Variants in PROK2 observed in about 807,000 individuals in gnomAD.
The protein encoded by PROK2 is prokineticin 2.
In PROK2, 8 loss-of-function variants were observed where a neutral mutation model predicts 14.2. The observed-to-expected ratio is 0.56, with a 90% CI of 0.33 to 1.02. PROK2 has a LOEUF of 1.02. PROK2 is among the 50% of genes least tolerant of loss of function. PROK2 has a pLI of 0.03. For missense variants in PROK2, 154 were observed against 160.4 expected, an observed-to-expected ratio of 0.96 and a Z score of 0.22; for synonymous variants, 59 against 60.7, an observed-to-expected ratio of 0.97 and a Z score of 0.13.
intron 3 of PROK2, among the ~76,000 whole-genome samples, chr3:71,773,447 T>C (rs2050095580): frequency 6.6e-6 from 1 of 152,174 alleles, no homozygotes; most frequent in Non-Finnish European, 1.5e-5. Context: ...TAGCAGTGAG[T>C]GGGCCCGAGA....
At chr3:71,774,833 T>A (rs114304210) in intron 2 of PROK2, among the ~76,000 whole-genome samples, 1 of 151,880 alleles carries the variant, frequency 6.6e-6, no homozygotes, top group African/African-American at 2.4e-5. Flanking sequence ...CTTAGACAGT[T>A]ATAAGTGGAT....
At chr3:71,782,941 C>A (rs1038858662) in intron 1 of PROK2, among the ~76,000 whole-genome samples, 1 of 152,120 alleles carries the variant, frequency 6.6e-6, no homozygotes, top group African/African-American at 2.4e-5. Flanking sequence ...TTTCAATTTT[C>A]CAATTTTTAT....
In PROK2 at chr3:71,778,121, C is replaced by T. The variant is rs567088449; in HGVS notation, c.222+3346G>A. On this transcript the variant is annotated intron_variant, in intron 2 of 3. Coordinates refer to ENST00000295619, the MANE Select transcript of PROK2 (RefSeq NM_001126128.2). Reference sequence around the variant, plus strand: ...CTGAGGCAGGAGAATGGCGTGAACCCGGGAGGCGGAGCTTGCAGTGAGCCG... The same window carrying T: ...CTGAGGCAGGAGAATGGCGTGAACCTGGGAGGCGGAGCTTGCAGTGAGCCG... 9.6e-4 allele frequency among the ~76,000 whole-genome samples: 145 copies of T among 151,134 alleles called. 2 individuals carry two copies. In the South Asian group the frequency reaches 0.029, roughly 31 times the overall value.
chr3:71,776,033 G>A (rs980159816), intron 2 of PROK2, among the ~76,000 whole-genome samples: 17 of 152,100 alleles, frequency 1.1e-4, no homozygotes, highest in Non-Finnish European at 1.3e-4. Context: ...CCAAGAGGCC[G>A]AAGCCCCTCT....
At chr3:71,783,156 A>G (rs2108198209) in intron 1 of PROK2, among the ~76,000 whole-genome samples, 1 of 152,300 alleles carries the variant, frequency 6.6e-6, no homozygotes, top group African/African-American at 2.4e-5. Context: ...CAATACCTCG[A>G]ATTTTGAGGC....
Position 71,784,966 on chromosome 3 carries a change from C to T in PROK2, c.87G>A (p.Val29=), listed in dbSNP as rs2050201030. ...CGCCCGGGCCGCTTACCCCGGTGAT[C>T]ACGGCGGCGTCCCCAGCGCGGGGCG... is the stretch of plus-strand genomic sequence containing the variant. ...LLTPRAGDAA[V]ITGACDKDSQ... is the part of the protein sequence containing the mutation. Residue 29 remains valine (V), a synonymous_variant, in exon 1 of 4, where the codon GTG becomes GTA. Transcript: ENST00000295619. 2 of 1,248,346 alleles carry T rather than the reference C, an allele frequency of 1.6e-6. No individual in the cohort carries two copies. Among genetic ancestry groups the T allele is most frequent in the East Asian group, 3.1e-5 (1 of 31,956 alleles). 77.3% of individuals were successfully genotyped at this position (1,248,346 alleles called of 1,614,324 possible).
At chr3:71,781,061 C>T (rs1468107280) in intron 2 of PROK2, among the ~76,000 whole-genome samples, 2 of 152,150 alleles carry the variant, frequency 1.3e-5, no homozygotes, top group Non-Finnish European at 2.9e-5. Context: ...TCCCAAAACA[C>T]AGAGCTTCCT....
intron 1 of PROK2, 54 bp downstream of exon 1, chr3:71,784,903 T>C: frequency 8.3e-7 from 1 of 1,210,748 alleles, no homozygotes; most frequent in Non-Finnish European, 1.0e-6. Flanking sequence ...CCAAGCCCCC[T>C]GGGCACATCC....
chr3:71,778,307 A>G (rs566680895), intron 2 of PROK2, among the ~76,000 whole-genome samples: 11 of 152,192 alleles, frequency 7.2e-5, no homozygotes, highest in Non-Finnish European at 1.6e-4. Context: ...TATGCATACT[A>G]TGCTTCCTAG....
intron 2 of PROK2, among the ~76,000 whole-genome samples, chr3:71,778,341 T>C (rs2050135910): frequency 6.6e-6 from 1 of 152,214 alleles, no homozygotes; most frequent in African/African-American, 2.4e-5. Flanking sequence ...TCTCACATAT[T>C]TTATTCTATC....
At chr3:71,778,351 C>A (rs2050136016) in intron 2 of PROK2, among the ~76,000 whole-genome samples, 1 of 152,032 alleles carries the variant, frequency 6.6e-6, no homozygotes, top group Admixed American at 6.5e-5. Context: ...TTTATTCTAT[C>A]TTAAAATTAT....
chr3:71,775,268 T>C (rs955787172), intron 2 of PROK2, among the ~76,000 whole-genome samples: 2 of 152,226 alleles, frequency 1.3e-5, no homozygotes, highest in African/African-American at 4.8e-5. Flanking sequence ...TATGTTTCTT[T>C]CATTCACTCA....
chr3:71,774,404 GGGC>G, intron 3 of PROK2, 38 bp downstream of exon 3: 1 of 1,551,380 alleles, frequency 6.4e-7, no homozygotes, highest in Non-Finnish European at 8.7e-7. Flanking sequence ...TAATTCTTCT[GGGC>G]ATGTCTTTCG....
chr3:71,775,435 C>T (rs114738857), intron 2 of PROK2, among the ~76,000 whole-genome samples: 209 of 152,306 alleles, frequency 1.4e-3, no homozygotes, highest in African/African-American at 4.1e-3. Flanking sequence ...CTGGTGCTCA[C>T]AGCCTTGTGC....
At chr3:71,779,491 T>C (rs1413250143) in intron 2 of PROK2, among the ~76,000 whole-genome samples, 1 of 152,244 alleles carries the variant, frequency 6.6e-6, no homozygotes, top group Non-Finnish European at 1.5e-5. Flanking sequence ...ATGATTGTTA[T>C]TAACACAAAC....
intron 2 of PROK2, among the ~76,000 whole-genome samples, chr3:71,780,372 T>C (rs969056510): frequency 6.6e-6 from 1 of 152,244 alleles, no homozygotes; most frequent in Non-Finnish European, 1.5e-5. Context: ...TCTCTGGGAC[T>C]GTGGAGTATG....
chr3:71,778,734 T>G (rs972968787), intron 2 of PROK2, among the ~76,000 whole-genome samples: 2 of 152,224 alleles, frequency 1.3e-5, no homozygotes, highest in African/African-American at 4.8e-5. Flanking sequence ...AGCTGAGAGA[T>G]ATTCTGGAAG....
intron 2 of PROK2, among the ~76,000 whole-genome samples, chr3:71,778,074 G>A (rs2050133124): frequency 6.6e-6 from 1 of 152,040 alleles, no homozygotes; most frequent in Non-Finnish European, 1.5e-5. Flanking sequence ...GTGGGCGCCT[G>A]TAGTCCCAGC....
At chr3:71,784,637 T>C (rs893613081) in intron 1 of PROK2, among the ~76,000 whole-genome samples, 1 of 152,194 alleles carries the variant, frequency 6.6e-6, no homozygotes, top group Admixed American at 6.5e-5. Flanking sequence ...GAGAAACTTC[T>C]TTCAGCCTAA....
Sources: allele counts gnomAD v4.1 joint callset (sites outside exome capture counted in the v4.1 genomes callset), GRCh38; gene constraint gnomAD v4.1.1; transcripts MANE v1.5; gene names NCBI Gene and HGNC (gene_info 2026-07-23, HGNC 2026-07-21).